Variants in CHIA observed in about 807,000 individuals in gnomAD.
CHIA encodes acidic mammalian chitinase.
Under a neutral mutation model 53.5 loss-of-function variants are expected in CHIA, and 47 were observed. That is an observed-to-expected ratio of 0.88 (90% confidence interval 0.70 to 1.12). The LOEUF is 1.12. Ranked by LOEUF, CHIA falls within the 50% of genes most tolerant of loss-of-function variation. The pLI, the probability that CHIA is intolerant of heterozygous loss-of-function variation, is 0.00. For missense variants in CHIA, 652 were observed against 592.2 expected (o/e 1.10, Z -1.05); for synonymous variants, 268 against 222.2 (o/e 1.21, Z -1.83).
intron 1 of CHIA, among the ~76,000 whole-genome samples, chr1:111,305,807 A>G (rs904134198): frequency 3.3e-5 from 5 of 152,230 alleles, no homozygotes; most frequent in Non-Finnish European, 7.3e-5. Flanking sequence ...TTGGAAAAGA[A>G]GAAAGAAAGC....
At chr1:111,307,559 C>G (rs899652801) in intron 1 of CHIA, among the ~76,000 whole-genome samples, 14 of 151,854 alleles carry the variant, frequency 9.2e-5, no homozygotes, top group Non-Finnish European at 1.9e-4. Context: ...GAGCATTTAA[C>G]TGGGGAGAAG....
At chr1:111,315,578 G>T in intron 6 of CHIA, 143 bp downstream of exon 6, 1 of 844,328 alleles carries the variant, frequency 1.2e-6, no homozygotes, top group Non-Finnish European at 1.8e-6. Context: ...TATATCGTGC[G>T]TTCATTAAAC....
chr1:111,292,263 T>C (rs1256793053), intron 1 of CHIA, among the ~76,000 whole-genome samples: 2 of 152,228 alleles, frequency 1.3e-5, no homozygotes, highest in Non-Finnish European at 2.9e-5. Flanking sequence ...ACTAGTATTA[T>C]CCATATGTAA....
rs545309762 is a variant in CHIA at position 111,303,688 on chromosome 1, C to T, written c.-68-6712C>T. The stretch of plus-strand genomic sequence containing the variant: ...GATGGCATAAAATACTATCTTTATA[C>T]ATTGTGTGTTCCAAAATGTAAACTA... On this transcript the variant is annotated intron_variant, in intron 1 of 11. Coordinates refer to ENST00000369740, the MANE Select transcript of CHIA (RefSeq NM_201653.4). 7.8e-4 allele frequency among the ~76,000 whole-genome samples: 118 copies of T among 152,232 alleles called. 1 individual carries two copies. Among genetic ancestry groups the T allele is most frequent in the African/African-American group, 2.7e-3 (114 of 41,564 alleles).
At chr1:111,315,094 C>T in intron 5 of CHIA, 176 bp from the exon 6 acceptor site, 1 of 594,260 alleles carries the variant, frequency 1.7e-6, no homozygotes, top group South Asian at 2.1e-5. Flanking sequence ...TGTTAAGATA[C>T]CATGGCTGGG....
At chr1:111,298,913 C>T (rs1011724962) in intron 1 of CHIA, among the ~76,000 whole-genome samples, 2 of 152,108 alleles carry the variant, frequency 1.3e-5, no homozygotes, top group Non-Finnish European at 2.9e-5. Flanking sequence ...GATATCACCA[C>T]CGATCCCACA....
At chr1:111,294,511 A>G (rs935341805) in intron 1 of CHIA, among the ~76,000 whole-genome samples, 1 of 152,182 alleles carries the variant, frequency 6.6e-6, no homozygotes, top group African/African-American at 2.4e-5. Flanking sequence ...GGACAATTTT[A>G]CCACTTCCTT....
At chr1:111,292,036 T>C (rs1413312661) in intron 1 of CHIA, among the ~76,000 whole-genome samples, 1 of 152,124 alleles carries the variant, frequency 6.6e-6, no homozygotes, top group Non-Finnish European at 1.5e-5. Context: ...TGTAATAAAT[T>C]TATATTTGAA....
chr1:111,311,636 T>C, intron 2 of CHIA, 53 bp from the exon 3 acceptor site: 1 of 1,597,684 alleles, frequency 6.3e-7, no homozygotes, highest in South Asian at 1.1e-5. Flanking sequence ...AGAATTAGAT[T>C]CTACGGGGTA....
At chr1:111,317,149 A>G (rs1649224701) in intron 6 of CHIA, 1 of 154,508 alleles carries the variant, frequency 6.5e-6, no homozygotes, top group African/African-American at 2.4e-5. Flanking sequence ...TAGTGCAATT[A>G]TAAGAACTAA....
chr1:111,297,790 A>C (rs1287676892), intron 1 of CHIA, among the ~76,000 whole-genome samples: 1 of 151,798 alleles, frequency 6.6e-6, no homozygotes, highest in Non-Finnish European at 1.5e-5. Context: ...AAATTGGATA[A>C]AGAGTCAAGG....
chr1:111,309,027 G>A (rs993456114), intron 1 of CHIA, among the ~76,000 whole-genome samples: 3 of 152,188 alleles, frequency 2.0e-5, no homozygotes, highest in Admixed American at 2.0e-4. Flanking sequence ...GCCTGTCAGT[G>A]GGGGTGGCAC....
chr1:111,316,902 A>G (rs1649206511), intron 6 of CHIA: 1 of 152,230 alleles, frequency 6.6e-6, no homozygotes, highest in Admixed American at 6.5e-5. Flanking sequence ...CTTGGCTGGA[A>G]CATGCCTCTA....
intron 1 of CHIA, 121 bp from the exon 2 acceptor site, chr1:111,310,279 G>A (rs1463070950): frequency 1.7e-6 from 2 of 1,151,232 alleles, no homozygotes; most frequent in East Asian, 2.6e-5. Flanking sequence ...CAGAGAAGGT[G>A]GTGATGCTGG....
At chr1:111,314,493 G>C (rs748838957) in intron 4 of CHIA, 47 bp from the exon 5 acceptor site, 3 of 1,258,030 alleles carry the variant, frequency 2.4e-6, no homozygotes, top group African/African-American at 3.0e-5. Context: ...TAAATGGAGG[G>C]AGTCCTGACT....
intron 1 of CHIA, 141 bp from the exon 2 acceptor site, chr1:111,310,259 C>A: frequency 1.0e-6 from 1 of 992,580 alleles, no homozygotes; most frequent in Non-Finnish European, 1.4e-6. Flanking sequence ...ATTGTTCTGT[C>A]CTTGTTGGGC....
At chr1:111,317,174 A>G (rs1338443367) in intron 6 of CHIA, 1 of 157,134 alleles carries the variant, frequency 6.4e-6, no homozygotes, top group East Asian at 1.8e-4. Flanking sequence ...AGTACTCCAA[A>G]TGAGATTACA....
Position 111,312,180 on chromosome 1 carries a change from C to A in CHIA, c.56-10C>A, listed in dbSNP as rs760618080. The A allele has an allele frequency of 3.7e-6, 6 of 1,612,376 alleles. No homozygotes were observed. In the Admixed American group the frequency reaches 5.0e-5, roughly 13 times the overall value. ...ACCAGGCCATTGTCCCTCCTGCTGA[C>A]TACACACAGGCTCTGCCTACCAGCT... On this transcript the variant is annotated splice_polypyrimidine_tract_variant and intron_variant, in intron 3 of 11. Transcript: ENST00000369740.
At chr1:111,314,317 A>T (rs1295448658) in intron 4 of CHIA, among the ~76,000 whole-genome samples, 2 of 152,234 alleles carry the variant, frequency 1.3e-5, no homozygotes, top group Non-Finnish European at 2.9e-5. Context: ...TATTTTTTAA[A>T]GCCCAGTTTC....
Sources: allele counts gnomAD v4.1 joint callset (sites outside exome capture counted in the v4.1 genomes callset), GRCh38; gene constraint gnomAD v4.1.1; transcripts MANE v1.5; gene names NCBI Gene and HGNC (gene_info 2026-07-23, HGNC 2026-07-21).